The following PCDHGA10 variants were observed in gnomAD, a reference collection of about 807,000 sequenced individuals.
PCDHGA10 encodes protocadherin gamma subfamily A, 10, also known as protocadherin gamma-A10.
PCDHGA10 carries 42 observed loss-of-function variants against 59.5 expected under a neutral mutation model. The observed-to-expected ratio is 0.71, with a 90% CI of 0.55 to 0.91. The LOEUF (loss-of-function observed/expected upper bound fraction) is 0.91. Ranked by LOEUF, PCDHGA10 falls within the 40% of genes least tolerant of loss-of-function variation. PCDHGA10 has a pLI of 0.00. For synonymous variants in PCDHGA10, 511 were observed against 517.2 expected (o/e 0.99, Z 0.16); for missense variants, 1,111 against 1,198.2 (o/e 0.93, Z 1.07).
chr5:141,498,865 G>A (rs2099786522), intron 2 of PCDHGA10, among the ~76,000 whole-genome samples: 1 of 151,116 alleles, frequency 6.6e-6, no homozygotes, highest in Non-Finnish European at 1.5e-5. Flanking sequence ...CCCAGGAGGC[G>A]GAGGTTGCAG....
chr5:141,419,140 G>C, intron 1 of PCDHGA10: 1 of 1,613,868 alleles, frequency 6.2e-7, no homozygotes, highest in Non-Finnish European at 8.5e-7. Flanking sequence ...CCACAGACAG[G>C]GGCAAGCCTC....
intron 2 of PCDHGA10, among the ~76,000 whole-genome samples, chr5:141,503,984 C>T (rs967348519): frequency 2.0e-5 from 3 of 152,184 alleles, no homozygotes; most frequent in African/African-American, 7.2e-5. Context: ...AACCCTTCTT[C>T]TTACCTTACA....
chr5:141,422,919 G>C (rs1445179310), intron 1 of PCDHGA10: 9 of 1,614,120 alleles, frequency 5.6e-6, no homozygotes, highest in Non-Finnish European at 6.8e-6. Context: ...CCGAGATCCT[G>C]TACCCTGCCC....
At chr5:141,415,736 TAAGG>T (rs2095905512) in intron 1 of PCDHGA10, 125 bp downstream of exon 1, 1 of 1,289,864 alleles carries the variant, frequency 7.8e-7, no homozygotes, top group Admixed American at 3.4e-5. Flanking sequence ...TGATGTTTAT[TAAGG>T]TTTTTTTTTT....
At position 141,511,572 on chromosome 5, in the gene PCDHGA10, T is replaced by C. The variant is rs1366960269; in HGVS notation, c.*399T>C. The C allele has an allele frequency of 1.0e-5, 3 of 289,550 alleles. No homozygotes were observed. The East Asian group carries it at 2.4e-4, about 23-fold the overall frequency. 17.9% of individuals were successfully genotyped at this position (289,550 alleles called of 1,614,324 possible). ...AACAGTTCCTCTTTCCCGAGTAAGG[T>C]GGTTGGGGTGTTGAAGTACCAAGTA... On this transcript the variant is annotated 3_prime_UTR_variant, in exon 4 of 4. Coordinates refer to ENST00000398610, the MANE Select transcript of PCDHGA10 (RefSeq NM_018913.3).
At chr5:141,500,509 G>A (rs1048476645) in intron 2 of PCDHGA10, among the ~76,000 whole-genome samples, 19 of 152,100 alleles carry the variant, frequency 1.2e-4, no homozygotes, top group South Asian at 4.2e-4. Context: ...GCGCCTGGCC[G>A]AGCTTCATTT....
At chr5:141,492,834 G>A (rs544218873) in intron 1 of PCDHGA10, among the ~76,000 whole-genome samples, 7 of 152,214 alleles carry the variant, frequency 4.6e-5, no homozygotes, top group African/African-American at 1.7e-4. Context: ...CCTTCCTCCC[G>A]CAGGAAGTGA....
chr5:141,486,894 C>T lies in PCDHGA10; in HGVS notation c.2437-7913C>T. 1 of 1,614,228 alleles carries T rather than the reference C, an allele frequency of 6.2e-7. No homozygotes were observed. Among genetic ancestry groups the T allele is most frequent in the Non-Finnish European group, 8.5e-7 (1 of 1,180,052 alleles). On this transcript the variant is annotated intron_variant, in intron 1 of 3. Transcript: ENST00000398610. The surrounding 1 kb of genome is among the most constrained non-coding windows in gnomAD (Gnocchi z 5.0). ...CTCCGTCCTCGGGCCCGGCCTGGTT[C>T]CTTATGTCCCCAAGCACTGCCTCCA...
intron 1 of PCDHGA10, among the ~76,000 whole-genome samples, chr5:141,456,765 C>A (rs1468235444): frequency 2.0e-5 from 3 of 151,852 alleles, no homozygotes; most frequent in Non-Finnish European, 2.9e-5. Context: ...GAGTTTGAGA[C>A]CAGCCTGGCC....
chr5:141,437,518 T>C (rs1482415074), intron 1 of PCDHGA10, among the ~76,000 whole-genome samples: 1 of 152,210 alleles, frequency 6.6e-6, no homozygotes, highest in African/African-American at 2.4e-5. Flanking sequence ...ATAAGGCTGA[T>C]GACAAATGAG....
chr5:141,446,222 G>C (rs74509878), intron 1 of PCDHGA10, among the ~76,000 whole-genome samples: 7,034 of 152,204 alleles, frequency 0.046, 244 homozygotes, highest in African/African-American at 0.093. Flanking sequence ...ATATTGTTGT[G>C]TTGCCTGGCA....
intron 1 of PCDHGA10, among the ~76,000 whole-genome samples, chr5:141,484,184 AG>A (rs1328674334): frequency 6.6e-6 from 1 of 152,244 alleles, no homozygotes; most frequent in Non-Finnish European, 1.5e-5. Flanking sequence ...CAATCATTCA[AG>A]GAAGCTATTA....
intron 2 of PCDHGA10, among the ~76,000 whole-genome samples, chr5:141,503,393 G>A (rs954734829): frequency 2.0e-5 from 3 of 151,824 alleles, no homozygotes; most frequent in African/African-American, 4.8e-5. Flanking sequence ...TCAGGAGTTC[G>A]AAACCAACCT....
At chr5:141,482,801 G>C (rs1230060558) in intron 1 of PCDHGA10, among the ~76,000 whole-genome samples, 1 of 152,176 alleles carries the variant, frequency 6.6e-6, no homozygotes, top group African/African-American at 2.4e-5. Flanking sequence ...GCCGGGTACG[G>C]TGGCTCATGC....
intron 1 of PCDHGA10, among the ~76,000 whole-genome samples, chr5:141,463,999 C>A (rs1261262637): frequency 1.3e-5 from 2 of 152,056 alleles, no homozygotes; most frequent in African/African-American, 4.8e-5. Flanking sequence ...GGTGCAGTGG[C>A]TCATGCTTGT....
chr5:141,492,632 C>G (rs1359761285), intron 1 of PCDHGA10, among the ~76,000 whole-genome samples: 1 of 152,256 alleles, frequency 6.6e-6, no homozygotes, highest in Non-Finnish European at 1.5e-5. Flanking sequence ...CAGGACTCTA[C>G]GATCCTTGGG....
At position 141,511,219 on chromosome 5, in the gene PCDHGA10, G is replaced by A. The variant is rs1467284181; in HGVS notation, c.*46G>A. On this transcript the variant is annotated 3_prime_UTR_variant, in exon 4 of 4. Coordinates refer to ENST00000398610, the MANE Select transcript of PCDHGA10 (RefSeq NM_018913.3). ...CCACAGGGCGGCCTCTCCCCAACCA[G>A]CCCAGCTTCTCCTTACCTGCACCCA... 5 of 1,606,366 alleles carry A rather than the reference G, an allele frequency of 3.1e-6. No individual in the cohort carries two copies. The highest frequency in any genetic ancestry group is 2.7e-5 in the African/African-American group (2 of 74,686).
At chr5:141,415,739 G>GTT (rs1561759437) in intron 1 of PCDHGA10, 128 bp downstream of exon 1, 11 of 435,132 alleles carry the variant, frequency 2.5e-5, no homozygotes, top group African/African-American at 1.6e-4. Flanking sequence ...TGTTTATTAA[G>GTT]GTTTTTTTTT....
chr5:141,503,598 CAAAAAAAAAA>C (rs765754054), intron 2 of PCDHGA10, among the ~76,000 whole-genome samples: 1 of 65,762 alleles, frequency 1.5e-5, no homozygotes. Context: ...GACTCCAGCT[CAAAAAAAAAA>C]AAAAAAGAAA....
Sources: gnomAD v4.1 joint callset for allele counts (sites outside exome capture counted in the v4.1 genomes callset) on GRCh38, gnomAD v4.1.1 for gene constraint, Gnocchi (gnomAD v3.1) non-coding constraint, MANE v1.5 for transcripts, NCBI Gene and HGNC (gene_info 2026-07-23, HGNC 2026-07-21) for gene names.